Variants in SIL1 observed in about 807,000 individuals in gnomAD.
SIL1 encodes nucleotide exchange factor SIL1.
In SIL1, 40 loss-of-function variants were observed where a neutral mutation model predicts 49.1. That is an observed-to-expected ratio of 0.81 (90% CI 0.63 to 1.06). The LOEUF is 1.06. Among genes scored for constraint, SIL1 ranks in the 50% least tolerant of loss-of-function variants. SIL1 has a pLI of 0.00. For missense variants in SIL1, 500 were observed against 572.6 expected, an observed-to-expected ratio of 0.87 and a Z score of 1.29; for synonymous variants, 253 against 250.8, an observed-to-expected ratio of 1.01 and a Z score of -0.08.
At chr5:138,973,082 CTGA>C (rs1767316214) in intron 7 of SIL1, among the ~76,000 whole-genome samples, 1 of 151,780 alleles carries the variant, frequency 6.6e-6, no homozygotes, top group African/African-American at 2.4e-5. Flanking sequence ...TCTGGGCAAA[CTGA>C]TGAGTCCACC....
intron 3 of SIL1, among the ~76,000 whole-genome samples, chr5:139,068,196 A>G (rs914923628): frequency 6.6e-6 from 1 of 152,268 alleles, no homozygotes; most frequent in Non-Finnish European, 1.5e-5. Context: ...AACTAAACCC[A>G]TGAGCAACAT....
chr5:139,025,974 A>G (rs1254095742), intron 6 of SIL1, among the ~76,000 whole-genome samples: 1 of 152,146 alleles, frequency 6.6e-6, no homozygotes, highest in African/African-American at 2.4e-5. Context: ...GATTTGACCT[A>G]TGGGCAGTAG....
chr5:139,175,213 T>A (rs948955000), intron 1 of SIL1, among the ~76,000 whole-genome samples: 6 of 152,024 alleles, frequency 3.9e-5, no homozygotes, highest in African/African-American at 1.5e-4. Flanking sequence ...TCCCAGTTAC[T>A]CAGAAGGCTG....
rs561848011 is a variant in SIL1 at position 139,198,345 on chromosome 5, G to A, written c.-87C>T. 8.7e-4 allele frequency: 133 copies of A among 152,268 alleles called. 1 individual carries two copies. Among genetic ancestry groups the A allele is most frequent in the African/African-American group, 3.0e-3 (123 of 41,554 alleles). 9.4% of individuals were successfully genotyped at this position (152,268 alleles called of 1,614,324 possible). ...GCCGCGGCGGCGACCAGCTCCCCCT[G>A]CGCAAACGCGGCGGCGACCGTCTGA... is the stretch of plus-strand genomic sequence containing the variant. On this transcript the variant is annotated 5_prime_UTR_variant, in exon 1 of 10. Transcript: ENST00000394817.
intron 7 of SIL1, among the ~76,000 whole-genome samples, chr5:138,967,159 C>A (rs902759879): frequency 3.9e-5 from 6 of 152,186 alleles, no homozygotes; most frequent in Admixed American, 2.0e-4. Context: ...GGGCCCTGCA[C>A]ACTCTGGCTC....
chr5:139,026,133 C>T (rs187499043), intron 6 of SIL1, among the ~76,000 whole-genome samples: 1 of 152,300 alleles, frequency 6.6e-6, no homozygotes, highest in African/African-American at 2.4e-5. Flanking sequence ...TCTTACATCA[C>T]CCTCTGGAGC....
chr5:139,027,415 C>A (rs928133714), intron 5 of SIL1, among the ~76,000 whole-genome samples: 1 of 152,196 alleles, frequency 6.6e-6, no homozygotes, highest in African/African-American at 2.4e-5. Context: ...CTTGGCCTTG[C>A]CCTACCCAAT....
intron 4 of SIL1, among the ~76,000 whole-genome samples, chr5:139,044,779 A>G (rs536045245): frequency 1.4e-4 from 22 of 152,244 alleles, no homozygotes; most frequent in African/African-American, 5.3e-4. Context: ...CCATCAGCAC[A>G]CCAATTCTCC....
intron 3 of SIL1, among the ~76,000 whole-genome samples, chr5:139,061,419 G>A (rs578018365): frequency 6.6e-6 from 1 of 152,360 alleles, no homozygotes; most frequent in Admixed American, 6.5e-5. Context: ...CCTGCTCCAG[G>A]GACTTCCAGT....
At chr5:139,010,721 C>T (rs1309059865) in intron 7 of SIL1, among the ~76,000 whole-genome samples, 3 of 151,442 alleles carry the variant, frequency 2.0e-5, no homozygotes, top group South Asian at 2.1e-4. Context: ...AATACCCTGC[C>T]GTGTGATGTG....
At chr5:139,057,871 T>C (rs1769490369) in intron 3 of SIL1, among the ~76,000 whole-genome samples, 1 of 152,216 alleles carries the variant, frequency 6.6e-6, no homozygotes, top group Middle Eastern at 3.2e-3. Flanking sequence ...AGGTGCCTTC[T>C]AAGTGTTTTC....
chr5:139,080,890 A>G (rs1387735314), intron 3 of SIL1, among the ~76,000 whole-genome samples: 4 of 152,350 alleles, frequency 2.6e-5, no homozygotes, highest in African/African-American at 9.6e-5. Flanking sequence ...GTTGGTTATG[A>G]TATTTGTTTT....
intron 1 of SIL1, among the ~76,000 whole-genome samples, chr5:139,133,115 C>G (rs548483865): frequency 2.6e-5 from 4 of 152,210 alleles, no homozygotes; most frequent in African/African-American, 4.8e-5. Context: ...GAGGACAGAC[C>G]TACATCTTTA....
At chr5:139,111,996 C>T (rs555577493) in intron 3 of SIL1, among the ~76,000 whole-genome samples, 74 of 152,346 alleles carry the variant, frequency 4.9e-4, no homozygotes, top group Middle Eastern at 3.4e-3. Context: ...AGGTGCGCGC[C>T]GCCACGCCTG....
chr5:139,106,078 C>CA lies in SIL1; in HGVS notation c.244+14956dup, dbSNP rs59682419. Among the ~76,000 whole-genome samples, 911 of 152,354 alleles carry CA rather than the reference C, an allele frequency of 6.0e-3. 4 individuals carry two copies. Among genetic ancestry groups the CA allele is most frequent in the African/African-American group, 0.02 (837 of 41,578 alleles). ...CTCATGGTGCAGGATTCTCAGGACT[C>CA]AGAAGCCCCAGGAGAGGAGAAGCCA... On this transcript the variant is annotated intron_variant, in intron 3 of 9. Transcript: ENST00000394817.
At chr5:139,190,625 A>G (rs995497496) in intron 1 of SIL1, among the ~76,000 whole-genome samples, 2 of 152,164 alleles carry the variant, frequency 1.3e-5, no homozygotes, top group African/African-American at 2.4e-5. Context: ...AGATCCTACC[A>G]TTACGTGGCC....
At chr5:139,007,161 G>A (rs1388337386) in intron 7 of SIL1, among the ~76,000 whole-genome samples, 1 of 146,352 alleles carries the variant, frequency 6.8e-6, no homozygotes, top group Non-Finnish European at 1.5e-5. Flanking sequence ...AGTTCTCCTT[G>A]AAGAGGTCCT....
intron 6 of SIL1, among the ~76,000 whole-genome samples, chr5:139,025,070 T>C (rs1768613952): frequency 6.6e-6 from 1 of 152,258 alleles, no homozygotes; most frequent in African/African-American, 2.4e-5. Flanking sequence ...TAATTACTTC[T>C]TTCTTATGCT....
chr5:139,164,878 T>G (rs1475994366), intron 1 of SIL1, among the ~76,000 whole-genome samples: 1 of 152,210 alleles, frequency 6.6e-6, no homozygotes, highest in Admixed American at 6.5e-5. Flanking sequence ...TATTTAACCA[T>G]GTATATTGAG....
Sources: gnomAD v4.1 joint callset for allele counts (sites outside exome capture counted in the v4.1 genomes callset) on GRCh38, gnomAD v4.1.1 for gene constraint, MANE v1.5 for transcripts, NCBI Gene and HGNC (gene_info 2026-07-23, HGNC 2026-07-21) for gene names.